PTPRU: variants seen among roughly 807,000 people sequenced by gnomAD.
PTPRU encodes protein tyrosine phosphatase receptor type U.
A neutral mutation model predicts 166.3 loss-of-function variants in PTPRU; 69 were observed. The observed-to-expected ratio is 0.41, with a 90% CI of 0.34 to 0.51. The LOEUF (loss-of-function observed/expected upper bound fraction) is 0.51, where lower values mean the gene tolerates loss of function less well. Among genes scored for constraint, PTPRU ranks in the 20% least tolerant of loss-of-function variants. PTPRU has a pLI of 0.09. For missense variants in PTPRU, 1,657 were observed against 2,013.7 expected, an observed-to-expected ratio of 0.82 and a Z score of 3.39; for synonymous variants, 793 against 814.0, an observed-to-expected ratio of 0.97 and a Z score of 0.44.
intron 16 of PTPRU, among the ~76,000 whole-genome samples, chr1:29,304,352 A>C (rs1687283672): frequency 6.6e-6 from 1 of 152,038 alleles, no homozygotes; most frequent in Non-Finnish European, 1.5e-5. Flanking sequence ...ACTGACCTTG[A>C]CCTAATCCCA....
rs1686598878 is a variant in PTPRU at position 29,290,889 on chromosome 1, C to T, written c.2319-980C>T. Among the ~76,000 whole-genome samples the T allele has an allele frequency of 2.0e-5, 3 of 152,336 alleles. No homozygotes were observed. In the South Asian group the frequency reaches 6.2e-4, roughly 32 times the overall value. Reference sequence around the variant, plus strand: ...GGATCGGGTTGGTTTGTTTCTGTAGCTCTTCTTCCAGGTAGGCCAGGAATC... The same window carrying T: ...GGATCGGGTTGGTTTGTTTCTGTAGTTCTTCTTCCAGGTAGGCCAGGAATC... On this transcript the variant is annotated intron_variant, in intron 14 of 29. Transcript: ENST00000373779.
At position 29,311,313 on chromosome 1, in the gene PTPRU, C is replaced by T; in HGVS notation, c.2858-143C>T. On this transcript the variant is annotated intron_variant, in intron 19 of 29. Transcript: ENST00000373779. The surrounding 1 kb of genome is among the most constrained non-coding windows in gnomAD (Gnocchi z 4.1). ...CCTACAGGCATGCGTCAGCTGCAAGCTGGGTGTTGTGGGCAGCATGAAGCC... is the reference window on the plus strand; with the variant it reads ...CCTACAGGCATGCGTCAGCTGCAAGTTGGGTGTTGTGGGCAGCATGAAGCC... The T allele has an allele frequency of 4.1e-6, 3 of 724,624 alleles. No homozygotes were observed. The highest frequency in any genetic ancestry group is 1.8e-5 in the African/African-American group (1 of 56,940). The allele number at this position is 724,624 out of a possible 1,614,324, so 44.9% of individuals were successfully genotyped here. A position where few individuals can be genotyped will look rare whatever the true frequency, so the allele number is the denominator to read the frequency against.
rs1287352527 is a variant in PTPRU at position 29,326,779 on chromosome 1, T to A, written c.*1118T>A. Reference sequence around the variant, plus strand: ...TGATGTTTGTAAAGCGCTTTGTAAATAAACGTGCTCTCTGAATGCCACAGA... The same window carrying A: ...TGATGTTTGTAAAGCGCTTTGTAAAAAAACGTGCTCTCTGAATGCCACAGA... On this transcript the variant is annotated 3_prime_UTR_variant, in exon 30 of 30. Transcript: ENST00000373779. 6.6e-6 allele frequency: 1 copy of A among 152,136 alleles called. No individual in the cohort carries two copies. The highest frequency in any genetic ancestry group is 1.5e-5 in the Non-Finnish European group (1 of 68,064). The allele number at this position is 152,136 out of a possible 1,614,324, so 9.4% of individuals were successfully genotyped here.
chr1:29,314,739 G>T (rs970233324), intron 22 of PTPRU, among the ~76,000 whole-genome samples: 2 of 151,972 alleles, frequency 1.3e-5, no homozygotes, highest in Non-Finnish European at 2.9e-5. Context: ...CACCACACCC[G>T]GCTATTTTTT....
chr1:29,320,461 C>G lies in PTPRU; in HGVS notation c.3688-224C>G. On this transcript the variant is annotated intron_variant, in intron 25 of 29. Transcript: ENST00000373779. The surrounding 1 kb of genome is among the most constrained non-coding windows in gnomAD (Gnocchi z 5.2). ...CTTTGGAAACTTTTGCTGTTTAGTT[C>G]TGGGGGGTCATGGGCTTGGTCCCCA... 1 of 421,066 alleles carries G rather than the reference C, an allele frequency of 2.4e-6. No homozygotes were observed. The highest frequency in any genetic ancestry group is 2.0e-5 in the African/African-American group (1 of 49,352). 26.1% of individuals were successfully genotyped at this position (421,066 alleles called of 1,614,324 possible). A position where few individuals can be genotyped will look rare whatever the true frequency, so the allele number is the denominator to read the frequency against.
intron 1 of PTPRU, among the ~76,000 whole-genome samples, chr1:29,249,336 T>G (rs1198621191): frequency 6.6e-6 from 1 of 152,232 alleles, no homozygotes; most frequent in African/African-American, 2.4e-5. Flanking sequence ...ACCATCCCCC[T>G]GCCTTCCCAA....
Position 29,279,770 on chromosome 1 carries a change from C to G in PTPRU, c.1765+113C>G. 7.8e-7 allele frequency: 1 copy of G among 1,288,884 alleles called. No homozygotes were observed. Among genetic ancestry groups the G allele is most frequent in the African/African-American group, 1.5e-5 (1 of 67,966 alleles). 79.8% of individuals were successfully genotyped at this position (1,288,884 alleles called of 1,614,324 possible). A position where few individuals can be genotyped will look rare whatever the true frequency, so the allele number is the denominator to read the frequency against. On this transcript the variant is annotated intron_variant, in intron 10 of 29. Transcript: ENST00000373779. The surrounding 1 kb of genome is among the most constrained non-coding windows in gnomAD (Gnocchi z 5.2). ...TGGGGGTAGTTACAGAGGGCCCCTG[C>G]TGAGATAAATATGCCATTTAGGAGT...
At chr1:29,282,448 C>T (rs185037496) in intron 11 of PTPRU, among the ~76,000 whole-genome samples, 1 of 152,332 alleles carries the variant, frequency 6.6e-6, no homozygotes, top group East Asian at 1.9e-4. Context: ...GCTTAACTTG[C>T]CTGTTCTTCC....
chr1:29,279,168 G>C lies in PTPRU; in HGVS notation c.1563+47G>C. On this transcript the variant is annotated intron_variant, in intron 9 of 29. Transcript: ENST00000373779. This position sits in a 1 kb window ranked among gnomAD's most constrained non-coding sequence, Gnocchi z 5.2. Reference sequence around the variant, plus strand: ...AGTGGGGGACCCTGGTGGAAGGTGAGAGGTGGCCCTCTTTCTCTCTGCTGC... The same window carrying C: ...AGTGGGGGACCCTGGTGGAAGGTGACAGGTGGCCCTCTTTCTCTCTGCTGC... 6.9e-7 allele frequency: 1 copy of C among 1,447,408 alleles called. No homozygotes were observed. The highest frequency in any genetic ancestry group is 2.5e-5 in the East Asian group (1 of 40,422). 89.7% of individuals were successfully genotyped at this position (1,447,408 alleles called of 1,614,324 possible).
chr1:29,280,160 A>G lies in PTPRU; in HGVS notation c.1868+19A>G. 6.3e-7 allele frequency: 1 copy of G among 1,585,648 alleles called. No individual in the cohort carries two copies. Among genetic ancestry groups the G allele is most frequent in the Non-Finnish European group, 8.7e-7 (1 of 1,155,812 alleles). The stretch of plus-strand genomic sequence containing the variant: ...CCATCAGGTGGGAAAGCGGGGACGG[A>G]GGGGTGGGAGTCCAGGGCCTTAGGA... On this transcript the variant is annotated intron_variant, in intron 11 of 29. Coordinates refer to ENST00000373779, the MANE Select transcript of PTPRU (RefSeq NM_133178.4). The surrounding 1 kb of genome is among the most constrained non-coding windows in gnomAD (Gnocchi z 4.2).
At chr1:29,283,042 G>T (rs1006733902) in intron 12 of PTPRU, 93 bp downstream of exon 12, 2 of 1,516,454 alleles carry the variant, frequency 1.3e-6, no homozygotes, top group African/African-American at 1.4e-5. Flanking sequence ...GCAGACTCCA[G>T]GCCCGGCACT....
chr1:29,312,596 A>G lies in PTPRU; in HGVS notation c.3117A>G (p.Thr1039=). Residue 1039 remains threonine, a synonymous_variant, in exon 22 of 30, where the codon ACA becomes ACG. Transcript: ENST00000373779. ...ARHEVRQFHF[T]AWPEHGVPYH... Reference sequence around the variant, plus strand: ...ACGAGGTCCGCCAGTTCCACTTCACAGCGTGGCCAGAGCATGGCGTCCCCT... The same window carrying G: ...ACGAGGTCCGCCAGTTCCACTTCACGGCGTGGCCAGAGCATGGCGTCCCCT... 1 of 1,607,508 alleles carries G rather than the reference A, an allele frequency of 6.2e-7. No individual in the cohort carries two copies. The highest frequency in any genetic ancestry group is 8.5e-7 in the Non-Finnish European group (1 of 1,174,866).
At chr1:29,298,034 G>C (rs977043183) in intron 15 of PTPRU, among the ~76,000 whole-genome samples, 8 of 152,102 alleles carry the variant, frequency 5.3e-5, no homozygotes, top group Admixed American at 4.6e-4. Context: ...GAGGCAGGCA[G>C]ATTGCTTGAG....
chr1:29,244,202 C>G (rs1193832121), intron 1 of PTPRU, among the ~76,000 whole-genome samples: 1 of 151,988 alleles, frequency 6.6e-6, no homozygotes, highest in Non-Finnish European at 1.5e-5. Context: ...CGGGGGCTCC[C>G]AGACTAGTGG....
In PTPRU at chr1:29,280,205, C is replaced by A; in HGVS notation, c.1868+64C>A. The A allele has an allele frequency of 6.8e-7, 1 of 1,463,554 alleles. No individual in the cohort carries two copies. The highest frequency in any genetic ancestry group is 1.2e-5 in the South Asian group (1 of 85,212). The allele number at this position is 1,463,554 out of a possible 1,614,324, so 90.7% of individuals were successfully genotyped here. A position where few individuals can be genotyped will look rare whatever the true frequency, so the allele number is the denominator to read the frequency against. On this transcript the variant is annotated intron_variant, in intron 11 of 29. Transcript: ENST00000373779. The surrounding 1 kb of genome is among the most constrained non-coding windows in gnomAD (Gnocchi z 4.2). Reference sequence around the variant, plus strand: ...TTAGGAAAGAGGCCCCTCCTCTGACCCAGAGCCCCATCCCAGGCCAGCTCA... The same window carrying A: ...TTAGGAAAGAGGCCCCTCCTCTGACACAGAGCCCCATCCCAGGCCAGCTCA...
rs1041320004 is a variant in PTPRU, at chr1:29,317,500, T to C, written c.3514-248T>C. ...AGTCGAGGAAACTGAGGCTGAGAGATGCAGTAGCTTGTCTGAGGTTATGTG... is the reference window on the plus strand; with the variant it reads ...AGTCGAGGAAACTGAGGCTGAGAGACGCAGTAGCTTGTCTGAGGTTATGTG... On this transcript the variant is annotated intron_variant, in intron 24 of 29. Transcript: ENST00000373779. This position sits in a 1 kb window ranked among gnomAD's most constrained non-coding sequence, Gnocchi z 5.6. Among the ~76,000 whole-genome samples the C allele has an allele frequency of 3.9e-5, 6 of 152,154 alleles. No homozygotes were observed. Among genetic ancestry groups the C allele is most frequent in the African/African-American group, 1.4e-4 (6 of 41,440 alleles).
At chr1:29,246,448 G>A (rs1236672203) in intron 1 of PTPRU, among the ~76,000 whole-genome samples, 1 of 152,204 alleles carries the variant, frequency 6.6e-6, no homozygotes, top group Non-Finnish European at 1.5e-5. Flanking sequence ...GCTTAGGTTT[G>A]CAAAGGCAGC....
chr1:29,283,882 C>G (rs1251147511), intron 12 of PTPRU, 58 bp from the exon 13 acceptor site: 1 of 1,605,868 alleles, frequency 6.2e-7, no homozygotes, highest in Non-Finnish European at 8.5e-7. Flanking sequence ...AGGTTCCCAC[C>G]CTGGGGAGGG....
chr1:29,308,646 A>G (rs2151965547), intron 18 of PTPRU, among the ~76,000 whole-genome samples: 1 of 151,148 alleles, frequency 6.6e-6, no homozygotes. Flanking sequence ...ATACATATAT[A>G]CTGTTTTCAT....
Sources: allele counts gnomAD v4.1 joint callset (sites outside exome capture counted in the v4.1 genomes callset), GRCh38; gene constraint gnomAD v4.1.1; non-coding constraint Gnocchi (gnomAD v3.1); transcripts MANE v1.5; gene names NCBI Gene and HGNC (gene_info 2026-07-23, HGNC 2026-07-21).